CDH12: variants seen among roughly 807,000 people sequenced by gnomAD.
CDH12 encodes cadherin-12.
A neutral mutation model predicts 74.1 loss-of-function variants in CDH12; 41 were observed. The ratio of observed to expected loss-of-function variants is 0.55; its 90% confidence interval spans 0.43 to 0.72. The LOEUF is 0.72. Among genes scored for constraint, CDH12 ranks in the 30% least tolerant of loss-of-function variants. CDH12 has a pLI of 0.00. For synonymous variants in CDH12, 399 were observed against 355.0 expected (o/e 1.12, Z -1.39); for missense variants, 945 against 977.2 (o/e 0.97, Z 0.44).
intron 2 of CDH12, among the ~76,000 whole-genome samples, chr5:22,458,199 T>G (rs973847535): frequency 1.3e-5 from 2 of 152,178 alleles, no homozygotes; most frequent in Non-Finnish European, 2.9e-5. Context: ...CTTCTTAGTG[T>G]CTGGTGGTTT....
In CDH12 at chr5:22,321,652, AT is replaced by A. The variant is rs558181742; in HGVS notation, c.-333+83604del. The stretch of plus-strand genomic sequence containing the variant: ...TAAAACTTAAAGTATAATAAAAAAA[AT>A]AAATTAAAAAAAAGAAAGGCATCAC... On this transcript the variant is annotated intron_variant, in intron 3 of 14. Coordinates refer to ENST00000382254, the MANE Select transcript of CDH12 (RefSeq NM_004061.5). Among the ~76,000 whole-genome samples, 221 of 152,112 alleles carry A rather than the reference AT, an allele frequency of 1.5e-3. 1 individual carries two copies. Among genetic ancestry groups the A allele is most frequent in the Non-Finnish European group, 2.4e-3 (166 of 67,968 alleles).
At chr5:22,699,305 TTC>T (rs1742586562) in intron 1 of CDH12, among the ~76,000 whole-genome samples, 4 of 151,304 alleles carry the variant, frequency 2.6e-5, no homozygotes, top group African/African-American at 9.9e-5. Flanking sequence ...ATAGGAAAAC[TTC>T]TTTTTAGAAC....
chr5:22,456,906 T>C (rs1222114453), intron 2 of CDH12, among the ~76,000 whole-genome samples: 1 of 152,040 alleles, frequency 6.6e-6, no homozygotes, highest in Non-Finnish European at 1.5e-5. Context: ...TTGAGTGTGC[T>C]TGGAGTTCCA....
chr5:22,633,163 T>C (rs1170542444), intron 1 of CDH12, among the ~76,000 whole-genome samples: 4 of 152,140 alleles, frequency 2.6e-5, no homozygotes, highest in Admixed American at 2.0e-4. Context: ...AGAGAGTTCA[T>C]TGCTAGTAGA....
intron 4 of CDH12, among the ~76,000 whole-genome samples, chr5:22,127,501 AGT>A (rs1745948624): frequency 1.4e-5 from 2 of 142,002 alleles, no homozygotes; most frequent in Non-Finnish European, 3.0e-5. Flanking sequence ...AAAAGAGAAA[AGT>A]AGGTGAAAAG....
chr5:22,003,566 C>T (rs1314636927), intron 5 of CDH12, among the ~76,000 whole-genome samples: 1 of 152,108 alleles, frequency 6.6e-6, no homozygotes, highest in Non-Finnish European at 1.5e-5. Flanking sequence ...AGTGGGCCGT[C>T]CTCTGAGCAC....
At chr5:22,034,152 A>G (rs1739016615) in intron 5 of CDH12, among the ~76,000 whole-genome samples, 1 of 152,076 alleles carries the variant, frequency 6.6e-6, no homozygotes, top group Non-Finnish European at 1.5e-5. Flanking sequence ...CTCCTGCCTC[A>G]GTCTCCCAAG....
chr5:22,250,038 G>T (rs576595060), intron 3 of CDH12, among the ~76,000 whole-genome samples: 2 of 152,122 alleles, frequency 1.3e-5, no homozygotes, highest in Admixed American at 6.5e-5. Context: ...AATGTAGGCT[G>T]GTGGGGAAGT....
intron 2 of CDH12, among the ~76,000 whole-genome samples, chr5:22,412,393 C>T (rs1015025718): frequency 5.3e-5 from 8 of 151,832 alleles, no homozygotes; most frequent in South Asian, 2.1e-4. Context: ...GACCACACAC[C>T]GTTAACTATT....
In CDH12 at chr5:22,156,238, T is replaced by C. The variant is rs1429958625; in HGVS notation, c.-187+56260A>G. On this transcript the variant is annotated intron_variant, in intron 4 of 14. Coordinates refer to ENST00000382254, the MANE Select transcript of CDH12 (RefSeq NM_004061.5). ...ACCTTCTTCTGTCTGTAGACAAGCA[T>C]ATCACCTAAGCTTTCTCAGAGATTA... 4.6e-5 allele frequency among the ~76,000 whole-genome samples: 7 copies of C among 152,084 alleles called. 1 individual carries two copies. The highest frequency in any genetic ancestry group is 4.8e-5 in the African/African-American group (2 of 41,420).
At chr5:22,390,852 T>A in intron 3 of CDH12, among the ~76,000 whole-genome samples, 1 of 152,158 alleles carries the variant, frequency 6.6e-6, no homozygotes, top group East Asian at 1.9e-4. Context: ...GTATGTCCAA[T>A]GCCGGTGGGA....
intron 6 of CDH12, chr5:21,884,107 T>C: frequency 2.1e-6 from 3 of 1,457,240 alleles, no homozygotes; most frequent in Non-Finnish European, 9.6e-7. Flanking sequence ...TATGATGCTA[T>C]GGTTGGAGAT....
At chr5:22,366,392 A>G (rs1741032193) in intron 3 of CDH12, among the ~76,000 whole-genome samples, 1 of 152,180 alleles carries the variant, frequency 6.6e-6, no homozygotes. Context: ...ATAGATAAAT[A>G]TATAAACAGA....
At chr5:22,569,877 T>C (rs1739461550) in intron 1 of CDH12, among the ~76,000 whole-genome samples, 1 of 152,106 alleles carries the variant, frequency 6.6e-6, no homozygotes, top group Non-Finnish European at 1.5e-5. Context: ...AAACTTGTGT[T>C]AAGGTTGATA....
At chr5:22,160,870 T>C (rs1748303200) in intron 4 of CDH12, among the ~76,000 whole-genome samples, 1 of 152,178 alleles carries the variant, frequency 6.6e-6, no homozygotes, top group Admixed American at 6.5e-5. Context: ...CTTTTCAACA[T>C]ACAAGTTTGG....
intron 2 of CDH12, among the ~76,000 whole-genome samples, chr5:22,418,647 G>C (rs1743502670): frequency 6.6e-6 from 1 of 152,118 alleles, no homozygotes. Context: ...ATTTTGGGAG[G>C]CCAAAGCGGG....
At chr5:22,827,086 G>T (rs539236692) in intron 1 of CDH12, among the ~76,000 whole-genome samples, 1 of 152,288 alleles carries the variant, frequency 6.6e-6, no homozygotes, top group Admixed American at 6.5e-5. Context: ...GGTTTCCTGG[G>T]CTGGGCCCAG....
chr5:22,025,823 T>C (rs2150166601), intron 5 of CDH12, among the ~76,000 whole-genome samples: 1 of 152,312 alleles, frequency 6.6e-6, no homozygotes, highest in South Asian at 2.1e-4. Context: ...CAGCAATGTT[T>C]CCATCTTAAC....
chr5:22,534,543 C>T (rs1737741459), intron 1 of CDH12, among the ~76,000 whole-genome samples: 1 of 152,164 alleles, frequency 6.6e-6, no homozygotes, highest in Non-Finnish European at 1.5e-5. Flanking sequence ...CAGCCACAAG[C>T]AGCCTCTCTG....
Sources: allele counts gnomAD v4.1 joint callset (sites outside exome capture counted in the v4.1 genomes callset), GRCh38; gene constraint gnomAD v4.1.1; transcripts MANE v1.5; gene names NCBI Gene and HGNC (gene_info 2026-07-23, HGNC 2026-07-21).